Variants in SI observed in about 807,000 individuals in gnomAD.
SI encodes sucrase-isomaltase.
SI carries 235 observed loss-of-function variants against 253.3 expected under a neutral mutation model. The observed-to-expected ratio is 0.93, with a 90% confidence interval of 0.83 to 1.03. SI has a LOEUF of 1.03. Among genes scored for constraint, SI ranks in the 50% least tolerant of loss-of-function variants. The pLI, the probability that SI is intolerant of heterozygous loss-of-function variation, is 0.00. For synonymous variants in SI, 819 were observed against 712.0 expected (o/e 1.15, Z -2.39); for missense variants, 2,442 against 2,211.1 (o/e 1.10, Z -2.09).
chr3:165,072,130 T>C (rs1714617160), intron 3 of SI, among the ~76,000 whole-genome samples: 1 of 152,118 alleles, frequency 6.6e-6, no homozygotes, highest in South Asian at 2.1e-4. Flanking sequence ...TCTATCCTCA[T>C]GTATATGAAA....
chr3:165,082,444 A>G (rs1158066723), upstream of SI, among the ~76,000 whole-genome samples: 2 of 151,976 alleles, frequency 1.3e-5, no homozygotes, highest in Non-Finnish European at 2.9e-5. Context: ...TCAACTCATT[A>G]TATGCCCAGT....
Position 164,998,497 on chromosome 3 carries a change from T to C in SI, c.4540+43A>G, listed in dbSNP as rs115068906. On this transcript the variant is annotated intron_variant, in intron 38 of 47. Transcript: ENST00000264382. ...AGCACCAGCAAAAGTGAGTATCTAA[T>C]AGAAAACACAAAATAATAATAAAGA... 1.1e-3 allele frequency: 1,815 copies of C among 1,603,770 alleles called. 3 individuals are homozygous for C. Among genetic ancestry groups the C allele is most frequent in the Non-Finnish European group, 1.4e-3 (1,611 of 1,171,514 alleles).
rs766147935 is a variant in SI, at chr3:165,063,556, T to C, written c.808-15A>G. 1 of 1,131,906 alleles carries C rather than the reference T, an allele frequency of 8.8e-7. No individual in the cohort carries two copies. Among genetic ancestry groups the C allele is most frequent in the South Asian group, 1.3e-5 (1 of 76,810 alleles). 70.1% of individuals were successfully genotyped at this position (1,131,906 alleles called of 1,614,324 possible). Reference sequence around the variant, plus strand: ...TTATTATTATTCTATAAGGCAAGAATTTGAAAATACGATTTTCAAATATGT... The same window carrying C: ...TTATTATTATTCTATAAGGCAAGAACTTGAAAATACGATTTTCAAATATGT... On this transcript the variant is annotated splice_polypyrimidine_tract_variant and intron_variant, in intron 7 of 47. Transcript: ENST00000264382.
chr3:165,041,691 C>T (rs191122906), intron 17 of SI, among the ~76,000 whole-genome samples: 8 of 152,158 alleles, frequency 5.3e-5, no homozygotes, highest in Admixed American at 2.0e-4. Flanking sequence ...CTCTACTGAG[C>T]TCAGGGTAGA....
intron 16 of SI, among the ~76,000 whole-genome samples, chr3:165,046,404 T>A (rs2108227683): frequency 6.6e-6 from 1 of 152,136 alleles, no homozygotes; most frequent in African/African-American, 2.4e-5. Context: ...TTTAAACGTT[T>A]TTTTCTGTTC....
the SI span, among the ~76,000 whole-genome samples, chr3:165,087,293 T>C: frequency 5.3e-5 from 8 of 151,974 alleles, no homozygotes; most frequent in African/African-American, 1.9e-4. Flanking sequence ...CCTGCTATAA[T>C]GGAGGCCAAA....
chr3:165,036,521 A>G lies in SI; in HGVS notation c.2427-44T>C, dbSNP rs201871813. ...TGCATATATGGTTAAAAATAAATCC[A>G]TAATAATACAATATCCTATAAACAA... On this transcript the variant is annotated intron_variant, in intron 21 of 47. Coordinates refer to ENST00000264382, the MANE Select transcript of SI (RefSeq NM_001041.4). The G allele has an allele frequency of 1.2e-4, 154 of 1,328,832 alleles. No individual in the cohort carries two copies. The East Asian group carries it at 3.4e-3, about 29-fold the overall frequency. The allele number at this position is 1,328,832 out of a possible 1,614,324, so 82.3% of individuals were successfully genotyped here.
At chr3:165,075,082 T>C (rs1482140422) in intron 2 of SI, among the ~76,000 whole-genome samples, 1 of 151,966 alleles carries the variant, frequency 6.6e-6, no homozygotes, top group Non-Finnish European at 1.5e-5. Flanking sequence ...TGAAAGTTAT[T>C]CAAATTATCC....
At chr3:165,016,388 C>T (rs1431494094) in intron 31 of SI, among the ~76,000 whole-genome samples, 3 of 151,952 alleles carry the variant, frequency 2.0e-5, no homozygotes, top group Non-Finnish European at 4.4e-5. Flanking sequence ...CAGAAAGACA[C>T]TGAGCAATAG....
chr3:164,982,791 G>T (rs1210702521), intron 46 of SI, among the ~76,000 whole-genome samples: 1 of 152,012 alleles, frequency 6.6e-6, no homozygotes, highest in Non-Finnish European at 1.5e-5. Context: ...CTATGCAGCT[G>T]GGACTACAGT....
At chr3:164,982,664 A>G (rs181194056) in intron 46 of SI, among the ~76,000 whole-genome samples, 1 of 152,160 alleles carries the variant, frequency 6.6e-6, no homozygotes, top group East Asian at 1.9e-4. Flanking sequence ...TCAGTCACCA[A>G]ATATGCAAGA....
chr3:164,999,160 G>C (rs1042575111), intron 37 of SI, among the ~76,000 whole-genome samples: 1 of 151,486 alleles, frequency 6.6e-6, no homozygotes, highest in Non-Finnish European at 1.5e-5. Context: ...AAGTATTCTC[G>C]GGTCTTAAAA....
upstream of SI, among the ~76,000 whole-genome samples, chr3:165,082,048 G>T (rs1210285445): frequency 6.6e-6 from 1 of 151,838 alleles, no homozygotes; most frequent in Non-Finnish European, 1.5e-5. Context: ...TAGCACAGAT[G>T]ACTTTTTAGA....
chr3:165,038,321 G>A (rs1160893972), intron 20 of SI, among the ~76,000 whole-genome samples: 3 of 151,786 alleles, frequency 2.0e-5, no homozygotes, highest in Non-Finnish European at 4.4e-5. Flanking sequence ...TAAAGTTTAT[G>A]CCTTTAGGAA....
chr3:165,051,515 T>C (rs1458438062), intron 13 of SI, among the ~76,000 whole-genome samples: 1 of 152,068 alleles, frequency 6.6e-6, no homozygotes, highest in African/African-American at 2.4e-5. Flanking sequence ...TATACCATAG[T>C]TACACAGCAA....
intron 35 of SI, 106 bp downstream of exon 35, chr3:165,009,173 T>A: frequency 3.7e-6 from 3 of 802,010 alleles, no homozygotes; most frequent in Middle Eastern, 2.7e-4. Flanking sequence ...AGTGGACTAG[T>A]TTTCAAATAA....
rs1327863117 is a variant in SI, at chr3:165,019,744, G to A, written c.3281C>T (p.Ala1094Val). 1 of 1,612,428 alleles carries A rather than the reference G, an allele frequency of 6.2e-7. No homozygotes were observed. Among genetic ancestry groups the A allele is most frequent in the Admixed American group, 1.7e-5 (1 of 59,808 alleles). Residue 1094 changes from alanine (A) to valine (V), a missense_variant, in exon 28 of 48, where the codon GCT becomes GTT. By Grantham distance (64) the Ala-to-Val change is moderately conservative. Coordinates refer to ENST00000264382, the MANE Select transcript of SI (RefSeq NM_001041.4). ...VIWDSWLPGF[A>V]FNDQFIQIST... ...TATTTGAATGAACTGGTCATTAAAA[G>A]CAAATCCAGGCAGCCAAGAATCCCA...
Position 165,029,555 on chromosome 3 carries a change from T to C in SI, c.2892+1157A>G, listed in dbSNP as rs1477956185. ...AAATGTTCACCAATCAATGAGTGGA[T>C]AAAAAAACTGTGGTGTATATATATA... On this transcript the variant is annotated intron_variant, in intron 25 of 47. Coordinates refer to ENST00000264382, the MANE Select transcript of SI (RefSeq NM_001041.4). Among the ~76,000 whole-genome samples, 9 of 146,686 alleles carry C rather than the reference T, an allele frequency of 6.1e-5. No homozygotes were observed. In the East Asian group the frequency reaches 1.8e-3, roughly 29 times the overall value.
upstream of SI, among the ~76,000 whole-genome samples, chr3:165,081,618 A>G (rs530875392): frequency 1.1e-4 from 17 of 152,182 alleles, no homozygotes; most frequent in South Asian, 3.3e-3. Flanking sequence ...TCACAGCGAT[A>G]ATGCAGAGAT....
Sources: gnomAD v4.1 joint callset for allele counts (sites outside exome capture counted in the v4.1 genomes callset) on GRCh38, gnomAD v4.1.1 for gene constraint, MANE v1.5 for transcripts, NCBI Gene and HGNC (gene_info 2026-07-23, HGNC 2026-07-21) for gene names.